Variants in GMPR observed in about 807,000 individuals in gnomAD.
GMPR encodes the protein GMP reductase 1.
In GMPR, 31 loss-of-function variants were observed where a neutral mutation model predicts 38.4. The observed-to-expected ratio is 0.81, with a 90% CI of 0.61 to 1.09. The LOEUF (loss-of-function observed/expected upper bound fraction) is 1.09, where lower values mean the gene tolerates loss of function less well. Among genes scored for constraint, GMPR ranks in the 50% least tolerant of loss-of-function variants. The probability of loss-of-function intolerance (pLI) is 0.00; values close to 1 mark genes in which losing one functional copy is unlikely to be tolerated. For missense variants in GMPR, 468 were observed against 453.7 expected, an observed-to-expected ratio of 1.03 and a Z score of -0.29; for synonymous variants, 162 against 173.3, an observed-to-expected ratio of 0.93 and a Z score of 0.51.
At chr6:16,290,423 T>C (rs758773514) in intron 7 of GMPR, 39 bp from the exon 8 acceptor site, 8 of 1,599,590 alleles carry the variant, frequency 5.0e-6, no homozygotes, top group South Asian at 3.3e-5. Flanking sequence ...TGAGCTGTTT[T>C]CTCTGCTACT....
chr6:16,276,433 C>T (rs780699251), intron 5 of GMPR, among the ~76,000 whole-genome samples: 32 of 152,128 alleles, frequency 2.1e-4, no homozygotes, highest in African/African-American at 6.3e-4. Context: ...GGCCTCCCAA[C>T]GTGCTGGGAT....
At chr6:16,288,086 A>G (rs940531384) in intron 7 of GMPR, among the ~76,000 whole-genome samples, 2 of 152,176 alleles carry the variant, frequency 1.3e-5, no homozygotes, top group Non-Finnish European at 2.9e-5. Flanking sequence ...GGCTGTAGTG[A>G]GAGGTGACAG....
intron 7 of GMPR, among the ~76,000 whole-genome samples, chr6:16,286,971 A>G (rs1000828639): frequency 1.1e-4 from 16 of 152,174 alleles, no homozygotes; most frequent in African/African-American, 3.6e-4. Context: ...TGACAAAGGA[A>G]AACACAGGGC....
At chr6:16,242,354 T>A (rs1213605726) in intron 1 of GMPR, among the ~76,000 whole-genome samples, 1 of 151,880 alleles carries the variant, frequency 6.6e-6, no homozygotes, top group African/African-American at 2.4e-5. Flanking sequence ...TTTTTTAACC[T>A]TTGCCTGTAT....
intron 8 of GMPR, among the ~76,000 whole-genome samples, chr6:16,294,404 C>T (rs564917819): frequency 2.0e-5 from 3 of 152,186 alleles, no homozygotes; most frequent in Admixed American, 6.5e-5. Flanking sequence ...GTGATTTCCA[C>T]GTAAGCTGGT....
At chr6:16,274,299 C>T in intron 4 of GMPR, 116 bp from the exon 5 acceptor site, 1 of 694,534 alleles carries the variant, frequency 1.4e-6, no homozygotes, top group Non-Finnish European at 2.5e-6. Flanking sequence ...CTTTTTTGTC[C>T]CCCAGCTGCC....
chr6:16,278,888 T>C lies in GMPR; in HGVS notation c.652T>C (p.Ser218Pro), dbSNP rs1259206976. The change falls in exon 6 of 9, where the codon TCT becomes CCT. Residue 218 changes from serine (S) to proline (P), a missense_variant and splice_region_variant. Physicochemically the swap from Ser to Pro is moderately conservative, Grantham distance 74. Transcript: ENST00000259727. ...CCATGGCCTGAAGGGCCACATCATC[T>C]CTGTGAGTCTCCACCCGGGGCTGAG... is the stretch of plus-strand genomic sequence containing the variant. ...SAHGLKGHII[S>P]DGGCTCPGDV... The C allele has an allele frequency of 1.3e-6, 2 of 1,596,240 alleles. No homozygotes were observed. The highest frequency in any genetic ancestry group is 1.7e-6 in the Non-Finnish European group (2 of 1,164,546).
chr6:16,242,334 T>C (rs1389269378), intron 1 of GMPR, among the ~76,000 whole-genome samples: 1 of 47,442 alleles, frequency 2.1e-5, no homozygotes, highest in Non-Finnish European at 3.3e-5. Flanking sequence ...ACTAATTACT[T>C]TTTTTTTTTT....
At position 16,283,919 on chromosome 6, in the gene GMPR, G is replaced by C. The variant is rs527586895; in HGVS notation, c.655-1874G>C. On this transcript the variant is annotated intron_variant, in intron 6 of 8. Coordinates refer to ENST00000259727, the MANE Select transcript of GMPR (RefSeq NM_006877.4). ...AAAGCACTTTAAAATTAATTGGCAG[G>C]GCAAGCGAAGGGCATTTTGAGGTTG... Among the ~76,000 whole-genome samples, 77 of 152,244 alleles carry C rather than the reference G, an allele frequency of 5.1e-4. 1 individual carries two copies. In the South Asian group the frequency reaches 0.013, roughly 26 times the overall value.
chr6:16,284,997 C>T (rs551008620), intron 6 of GMPR, among the ~76,000 whole-genome samples: 16 of 129,078 alleles, frequency 1.2e-4, no homozygotes, highest in South Asian at 2.5e-4. Context: ...CCAGCCTGGG[C>T]GACAAGAGTG....
In GMPR at chr6:16,258,572, G is replaced by A. The variant is rs140223062; in HGVS notation, c.465+3837G>A. 3.5e-3 allele frequency among the ~76,000 whole-genome samples: 529 copies of A among 152,338 alleles called. 3 individuals are homozygous for A. The highest frequency in any genetic ancestry group is 5.8e-3 in the Non-Finnish European group (394 of 68,036). On this transcript the variant is annotated intron_variant, in intron 4 of 8. Transcript: ENST00000259727. ...AACAGCGAGGCCCTCTCCAGCACCC[G>A]CTGGCTGGCTGGCCCAGGGGTATGT... is the stretch of plus-strand genomic sequence containing the variant.
intron 5 of GMPR, among the ~76,000 whole-genome samples, chr6:16,276,148 G>T (rs1343634889): frequency 6.6e-6 from 1 of 152,126 alleles, no homozygotes; most frequent in Non-Finnish European, 1.5e-5. Context: ...GGATGTGAAG[G>T]TGTGTGAGAA....
Position 16,295,198 on chromosome 6 carries a change from A to C in GMPR, c.*12A>C, listed in dbSNP as rs775789522. On this transcript the variant is annotated 3_prime_UTR_variant, in exon 9 of 9. Transcript: ENST00000259727. ...CCGTGTTCAGCTAACCCTGGGGACA[A>C]AGCAGCGTCTGGCTCGAGTGGAAGC... The C allele has an allele frequency of 1.2e-5, 18 of 1,493,970 alleles. No individual in the cohort carries two copies. The South Asian group carries it at 2.2e-4, about 18-fold the overall frequency. 92.5% of individuals were successfully genotyped at this position (1,493,970 alleles called of 1,614,324 possible). A position where few individuals can be genotyped will look rare whatever the true frequency, so the allele number is the denominator to read the frequency against.
intron 6 of GMPR, 65 bp from the exon 7 acceptor site, chr6:16,285,728 G>A (rs1759666549): frequency 7.3e-7 from 1 of 1,366,786 alleles, no homozygotes; most frequent in Non-Finnish European, 1.0e-6. Context: ...GTCATCTGGG[G>A]GGAGGGGACA....
intron 1 of GMPR, among the ~76,000 whole-genome samples, chr6:16,241,896 G>T (rs1018148627): frequency 1.3e-5 from 2 of 151,480 alleles, no homozygotes; most frequent in Non-Finnish European, 2.9e-5. Context: ...CACCTACCAC[G>T]CTCTGCTAAT....
intron 4 of GMPR, among the ~76,000 whole-genome samples, chr6:16,265,921 C>T (rs887101107): frequency 2.6e-5 from 4 of 152,184 alleles, no homozygotes; most frequent in Admixed American, 6.5e-5. Flanking sequence ...CAGTTTCACT[C>T]CTGAAGTCAG....
chr6:16,289,184 T>C (rs747104781), intron 7 of GMPR, among the ~76,000 whole-genome samples: 1 of 152,190 alleles, frequency 6.6e-6, no homozygotes, highest in African/African-American at 2.4e-5. Context: ...ATTTTTGAGC[T>C]AGCGCAGACC....
chr6:16,267,887 G>C (rs1056810365), intron 4 of GMPR, among the ~76,000 whole-genome samples: 16 of 152,220 alleles, frequency 1.1e-4, no homozygotes, highest in Admixed American at 2.6e-4. Context: ...CCATGGGCTG[G>C]ATCTCCAGGG....
intron 7 of GMPR, among the ~76,000 whole-genome samples, chr6:16,286,926 T>G (rs1759693837): frequency 6.6e-6 from 1 of 151,790 alleles, no homozygotes; most frequent in Non-Finnish European, 1.5e-5. Context: ...AAAATAAAAA[T>G]TAAAAAATAA....
Sources: gnomAD v4.1 joint callset for allele counts (sites outside exome capture counted in the v4.1 genomes callset) on GRCh38, gnomAD v4.1.1 for gene constraint, MANE v1.5 for transcripts, NCBI Gene and HGNC (gene_info 2026-07-23, HGNC 2026-07-21) for gene names.